ZRANB3: variants seen among roughly 807,000 people sequenced by gnomAD.
The protein encoded by ZRANB3 is DNA annealing helicase and endonuclease ZRANB3.
A neutral mutation model predicts 133.8 loss-of-function variants in ZRANB3; 125 were observed. That is an observed-to-expected ratio of 0.93 (90% CI 0.81 to 1.08). ZRANB3 has a LOEUF of 1.08. Among genes scored for constraint, ZRANB3 ranks in the 50% least tolerant of loss-of-function variants. The pLI, the probability that ZRANB3 is intolerant of heterozygous loss-of-function variation, is 0.00. For synonymous variants in ZRANB3, 387 were observed against 432.7 expected (o/e 0.89, Z 1.31); for missense variants, 1,229 against 1,275.5 (o/e 0.96, Z 0.56).
chr2:135,481,209 G>T (rs1047009473), intron 2 of ZRANB3, among the ~76,000 whole-genome samples: 1 of 151,126 alleles, frequency 6.6e-6, no homozygotes, highest in African/African-American at 2.4e-5. Flanking sequence ...CACAATGGAT[G>T]AACTAGTTTA....
intron 2 of ZRANB3, among the ~76,000 whole-genome samples, chr2:135,424,538 G>A (rs1688991679): frequency 6.6e-6 from 1 of 152,158 alleles, no homozygotes; most frequent in Non-Finnish European, 1.5e-5. Flanking sequence ...TTCAATACCA[G>A]ACTGGCCGAT....
chr2:135,295,040 G>A (rs1400109245), intron 8 of ZRANB3, among the ~76,000 whole-genome samples: 1 of 152,152 alleles, frequency 6.6e-6, no homozygotes, highest in Non-Finnish European at 1.5e-5. Context: ...TTTGGGATAG[G>A]TGTGGTGTGG....
chr2:135,521,944 G>A (rs1226125197), intron 1 of ZRANB3, among the ~76,000 whole-genome samples: 1 of 152,114 alleles, frequency 6.6e-6, no homozygotes, highest in African/African-American at 2.4e-5. Flanking sequence ...AGACACCCAT[G>A]GGGAGCCATG....
intron 2 of ZRANB3, among the ~76,000 whole-genome samples, chr2:135,497,149 T>A (rs1692709535): frequency 6.6e-6 from 1 of 152,246 alleles, no homozygotes. Flanking sequence ...ATACTCTGTA[T>A]TATAAATATA....
At chr2:135,294,352 A>G (rs1215747296) in intron 8 of ZRANB3, among the ~76,000 whole-genome samples, 4 of 151,936 alleles carry the variant, frequency 2.6e-5, no homozygotes, top group African/African-American at 9.7e-5. Context: ...GAATTTATCC[A>G]TTTCTTCTAG....
At chr2:135,363,638 G>C (rs1259087992) in intron 3 of ZRANB3, among the ~76,000 whole-genome samples, 1 of 152,106 alleles carries the variant, frequency 6.6e-6, no homozygotes, top group Non-Finnish European at 1.5e-5. Flanking sequence ...ACAAGTGCTT[G>C]GGTAGGGTAG....
At chr2:135,200,486 C>T (rs1693574470) in intron 20 of ZRANB3, 46 bp from the exon 21 acceptor site, 10 of 1,464,700 alleles carry the variant, frequency 6.8e-6, no homozygotes, top group Non-Finnish European at 8.4e-6. Context: ...GAAAAAAGCA[C>T]CGGCTACAAA....
At chr2:135,340,099 CTTTT>C (rs1684566233) in intron 6 of ZRANB3, among the ~76,000 whole-genome samples, 1 of 147,472 alleles carries the variant, frequency 6.8e-6, no homozygotes, top group South Asian at 2.1e-4. Context: ...ATCCCTGTCC[CTTTT>C]CTTTTTTTTT....
At chr2:135,519,313 A>T (rs1693826171) in intron 1 of ZRANB3, among the ~76,000 whole-genome samples, 1 of 152,160 alleles carries the variant, frequency 6.6e-6, no homozygotes, top group Admixed American at 6.5e-5. Context: ...TGAATTTACA[A>T]TGAACTCAAA....
chr2:135,345,672 T>G, intron 5 of ZRANB3, 37 bp from the exon 6 acceptor site: 1 of 1,374,240 alleles, frequency 7.3e-7, no homozygotes, highest in Non-Finnish European at 1.0e-6. Context: ...TGTTGTAATA[T>G]TTTCAAGTAA....
chr2:135,271,151 T>TA (rs1402744783), intron 10 of ZRANB3: 1 of 300,918 alleles, frequency 3.3e-6, no homozygotes, highest in Non-Finnish European at 6.9e-6. Context: ...AGATAAGACA[T>TA]ACTTGCTAAG....
In ZRANB3 at chr2:135,484,928, C is replaced by T. The variant is rs562938411; in HGVS notation, c.161+19401G>A. Among the ~76,000 whole-genome samples, 124 of 151,288 alleles carry T rather than the reference C, an allele frequency of 8.2e-4. 1 individual carries two copies. Among genetic ancestry groups the T allele is most frequent in the African/African-American group, 2.6e-3 (109 of 41,256 alleles). On this transcript the variant is annotated intron_variant, in intron 2 of 20. Transcript: ENST00000264159. Reference sequence around the variant, plus strand: ...GTGGGCACCTGTAGTCCCAGCTACTCGGGAGGTAGAGGTGGGAGGATCACT... The same window carrying T: ...GTGGGCACCTGTAGTCCCAGCTACTTGGGAGGTAGAGGTGGGAGGATCACT...
chr2:135,522,135 G>A (rs73956740), intron 1 of ZRANB3, among the ~76,000 whole-genome samples: 6,763 of 152,230 alleles, frequency 0.044, 504 homozygotes, highest in African/African-American at 0.16. Context: ...GTCCCGAAAA[G>A]TTAAAGATCT....
intron 2 of ZRANB3, among the ~76,000 whole-genome samples, chr2:135,493,885 G>A (rs1185913901): frequency 1.3e-5 from 2 of 152,062 alleles, no homozygotes; most frequent in Admixed American, 1.3e-4. Flanking sequence ...CCATCACCAA[G>A]TAAATGAACA....
At chr2:135,504,626 A>C in intron 1 of ZRANB3, 130 bp from the exon 2 acceptor site, 5 of 840,200 alleles carry the variant, frequency 6.0e-6, no homozygotes, top group African/African-American at 1.7e-5. Context: ...ATATAAACTA[A>C]ATCATATTCT....
chr2:135,430,438 A>G (rs538899047), intron 2 of ZRANB3, among the ~76,000 whole-genome samples: 1 of 152,122 alleles, frequency 6.6e-6, no homozygotes, highest in South Asian at 2.1e-4. Context: ...GAAGATTAAA[A>G]AAAAAAAACC....
intron 2 of ZRANB3, among the ~76,000 whole-genome samples, chr2:135,497,240 C>T (rs561872302): frequency 2.0e-5 from 3 of 151,966 alleles, no homozygotes; most frequent in African/African-American, 7.3e-5. Context: ...TGATAAATGA[C>T]TTCTACAATT....
At chr2:135,397,328 G>A (rs1212473049) in intron 2 of ZRANB3, among the ~76,000 whole-genome samples, 2 of 151,496 alleles carry the variant, frequency 1.3e-5, no homozygotes, top group African/African-American at 4.9e-5. Flanking sequence ...TGTGCCTCTA[G>A]CCCCAGCTAC....
intron 1 of ZRANB3, among the ~76,000 whole-genome samples, chr2:135,530,300 G>A (rs1323501757): frequency 6.6e-6 from 1 of 152,060 alleles, no homozygotes; most frequent in African/African-American, 2.4e-5. Flanking sequence ...AAGACTAAAG[G>A]CAGTAGAGGT....
Sources: allele counts gnomAD v4.1 joint callset (sites outside exome capture counted in the v4.1 genomes callset), GRCh38; gene constraint gnomAD v4.1.1; transcripts MANE v1.5; gene names NCBI Gene and HGNC (gene_info 2026-07-23, HGNC 2026-07-21).